Variants in RSL24D1 observed in about 807,000 individuals in gnomAD.
RSL24D1 encodes the protein ribosomal L24 domain containing 1, also known as probable ribosome biogenesis protein RLP24.
A neutral mutation model predicts 26.2 loss-of-function variants in RSL24D1; 6 were observed. The ratio of observed to expected loss-of-function variants is 0.23; its 90% confidence interval spans 0.13 to 0.45. The LOEUF is 0.45. Among genes scored for constraint, RSL24D1 ranks in the 20% least tolerant of loss-of-function variants. RSL24D1 has a pLI of 0.99. For synonymous variants in RSL24D1, 61 were observed against 59.1 expected (o/e 1.03, Z -0.15); for missense variants, 176 against 202.6 (o/e 0.87, Z 0.80).
In RSL24D1 at chr15:55,196,562, C is replaced by G. The variant is rs1311434425; in HGVS notation, c.81+248G>C. 1.0e-5 allele frequency: 6 copies of G among 588,336 alleles called. No individual in the cohort carries two copies. In the Admixed American group the frequency reaches 1.8e-4, roughly 17 times the overall value. 36.4% of individuals were successfully genotyped at this position (588,336 alleles called of 1,614,324 possible). A position where few individuals can be genotyped will look rare whatever the true frequency, so the allele number is the denominator to read the frequency against. ...CTGGTAGGCGCTAGCTGGGATCGCT[C>G]CTGAAGTTCCTCGCTGCCAACGCCA... On this transcript the variant is annotated intron_variant, in intron 1 of 5. Coordinates refer to ENST00000260443, the MANE Select transcript of RSL24D1 (RefSeq NM_016304.3).
chr15:55,190,223 G>A (rs969591323), intron 3 of RSL24D1, among the ~76,000 whole-genome samples: 3 of 146,794 alleles, frequency 2.0e-5, no homozygotes, highest in Non-Finnish European at 4.5e-5. Context: ...ACTCCAGCCG[G>A]TGGGACAGAG....
intron 3 of RSL24D1, among the ~76,000 whole-genome samples, chr15:55,190,032 G>A (rs1894275500): frequency 6.6e-6 from 1 of 152,188 alleles, no homozygotes; most frequent in African/African-American, 2.4e-5. Flanking sequence ...AGGATCACTT[G>A]AGGTCAGGAG....
intron 3 of RSL24D1, among the ~76,000 whole-genome samples, chr15:55,186,667 T>C (rs748566632): frequency 2.6e-5 from 4 of 152,174 alleles, no homozygotes; most frequent in Non-Finnish European, 4.4e-5. Flanking sequence ...AGACATGACA[T>C]GTACTATTCT....
At chr15:55,194,354 A>C (rs968674685) in intron 1 of RSL24D1, 2 of 152,250 alleles carry the variant, frequency 1.3e-5, no homozygotes, top group African/African-American at 2.4e-5. Context: ...AAAGATCAAG[A>C]TCTGACTAGG....
chr15:55,182,206 T>A lies in RSL24D1; in HGVS notation c.438A>T (p.Glu146Asp), dbSNP rs200847511. The change falls in exon 6 of 6, where the codon GAA becomes GAT. Residue 146 changes from glutamate (E) to aspartate (D), a missense_variant. Around this residue, in one of 3 missense-constraint regions of RSL24D1, gnomAD observed 43 missense variants for 38.7 expected, o/e 1.11. Coordinates refer to ENST00000260443, the MANE Select transcript of RSL24D1 (RefSeq NM_016304.3). ...APLAGKGKQL[E>D]EKMVQQLQED... ...CTTGTAACTGCTGTACCATTTTCTCTTCCAACTGTTTCCCTTTGCCTTTAA... is the reference window on the plus strand; with the variant it reads ...CTTGTAACTGCTGTACCATTTTCTCATCCAACTGTTTCCCTTTGCCTTTAA... 458 of 1,604,684 alleles carry A rather than the reference T, an allele frequency of 2.9e-4. No homozygotes were observed. Among genetic ancestry groups the A allele is most frequent in the Non-Finnish European group, 3.8e-4 (442 of 1,172,038 alleles).
rs940176773 is a variant in RSL24D1 at position 55,181,634 on chromosome 15, CATA to C, written c.*515_*517del. The C allele has an allele frequency of 4.5e-5, 7 of 154,028 alleles. No homozygotes were observed. The highest frequency in any genetic ancestry group is 1.7e-4 in the African/African-American group (7 of 41,432). The allele number at this position is 154,028 out of a possible 1,614,324, so 9.5% of individuals were successfully genotyped here. Reference sequence around the variant, plus strand: ...GTTAAACCAGGTCAAAACAGTCCAGCATAATTAGGCTTCATCAAACAATGTCAT... The same window carrying C: ...GTTAAACCAGGTCAAAACAGTCCAGCATTAGGCTTCATCAAACAATGTCAT... On this transcript the variant is annotated 3_prime_UTR_variant, in exon 6 of 6. Transcript: ENST00000260443.
At chr15:55,190,249 CAAAAAA>C (rs57254193) in intron 3 of RSL24D1, among the ~76,000 whole-genome samples, 1 of 34,494 alleles carries the variant, frequency 2.9e-5, no homozygotes, top group East Asian at 8.8e-4. Flanking sequence ...CTTTCCAACT[CAAAAAA>C]AAAAAAAAAA....
chr15:55,188,069 C>A (rs1252166531), intron 3 of RSL24D1, among the ~76,000 whole-genome samples: 2 of 152,134 alleles, frequency 1.3e-5, no homozygotes, highest in Admixed American at 1.3e-4. Context: ...ACATCAGTAC[C>A]TTAACAAAGG....
intron 3 of RSL24D1, among the ~76,000 whole-genome samples, chr15:55,189,118 G>A (rs143096002): frequency 0.039 from 5,849 of 150,740 alleles, 125 homozygotes; most frequent in Non-Finnish European, 0.052. Context: ...GCTTGAACCC[G>A]GGAGGCGGAG....
At position 55,189,985 on chromosome 15, in the gene RSL24D1, C is replaced by T. The variant is rs541874085; in HGVS notation, c.268+990G>A. On this transcript the variant is annotated intron_variant, in intron 3 of 5. Transcript: ENST00000260443. ...GGCCGGTGCCAGGCATGGTGGCTCA[C>T]GCCTGTAATCCCAGCACTTTGGGAG... 2.5e-4 allele frequency among the ~76,000 whole-genome samples: 38 copies of T among 152,306 alleles called. No individual in the cohort carries two copies. The South Asian group carries it at 5.8e-3, about 23-fold the overall frequency.
rs111337876 is a variant in RSL24D1 at position 55,185,172 on chromosome 15, T to C, written c.332+190A>G. Among the ~76,000 whole-genome samples the C allele has an allele frequency of 4.0e-4, 61 of 152,338 alleles. 1 individual carries two copies. Among genetic ancestry groups the C allele is most frequent in the African/African-American group, 1.4e-3 (59 of 41,584 alleles). ...GAAGGAAAAAGCATTATGTCTTCAA[T>C]ACATTGAGACAAGGATAAAGTAAAT... On this transcript the variant is annotated intron_variant, in intron 4 of 5. Coordinates refer to ENST00000260443, the MANE Select transcript of RSL24D1 (RefSeq NM_016304.3).
chr15:55,194,327 C>T (rs1894331176), intron 1 of RSL24D1: 3 of 152,190 alleles, frequency 2.0e-5, no homozygotes, highest in Non-Finnish European at 2.9e-5. Flanking sequence ...ATGTGATAAT[C>T]TCACTTTGCA....
intron 2 of RSL24D1, among the ~76,000 whole-genome samples, chr15:55,191,832 C>T (rs184378905): frequency 9.8e-5 from 15 of 152,306 alleles, no homozygotes; most frequent in African/African-American, 3.4e-4. Flanking sequence ...ACCTCAGCCA[C>T]GAGGTAAATG....
chr15:55,191,107 T>C, intron 2 of RSL24D1, 60 bp from the exon 3 acceptor site: 1 of 1,183,766 alleles, frequency 8.4e-7, no homozygotes. Context: ...AAGGAAACAT[T>C]TCTTAAAACG....
intron 4 of RSL24D1, among the ~76,000 whole-genome samples, chr15:55,183,961 C>A (rs1894197452): frequency 6.6e-6 from 1 of 152,156 alleles, no homozygotes; most frequent in Non-Finnish European, 1.5e-5. Flanking sequence ...GTGCCTAGAT[C>A]TTTTCTCCTC....
intron 2 of RSL24D1, among the ~76,000 whole-genome samples, chr15:55,191,963 G>C (rs1427209305): frequency 6.6e-6 from 1 of 152,122 alleles, no homozygotes; most frequent in Non-Finnish European, 1.5e-5. Context: ...TTATGATTTG[G>C]CCTTGCATCT....
chr15:55,192,784 C>T lies in RSL24D1; in HGVS notation c.131G>A (p.Arg44His), dbSNP rs572620938. The change falls in exon 2 of 6, where the codon CGC (arginine) becomes CAC (histidine). Residue 44 changes from arginine to histidine, a missense_variant. Around this residue, in one of 3 missense-constraint regions of RSL24D1, gnomAD observed 89 missense variants for 135.1 expected, o/e 0.66. Coordinates refer to ENST00000260443, the MANE Select transcript of RSL24D1 (RefSeq NM_016304.3). ...SKCHKNFKKK[R>H]NPRKVRWTKA... ...GGTCCACCTAACTTTGCGAGGATTGCGCTTCTTTTTAAAGTTTTTATGACA... is the reference window on the plus strand; with the variant it reads ...GGTCCACCTAACTTTGCGAGGATTGTGCTTCTTTTTAAAGTTTTTATGACA... 9.3e-6 allele frequency: 15 copies of T among 1,613,832 alleles called. No homozygotes were observed. Among genetic ancestry groups the T allele is most frequent in the East Asian group, 4.5e-5 (2 of 44,848 alleles).
At chr15:55,188,735 A>G (rs8034402) in intron 3 of RSL24D1, among the ~76,000 whole-genome samples, 25,687 of 152,272 alleles carry the variant, frequency 0.17, 2,426 homozygotes, top group African/African-American at 0.26. Context: ...GATTATTCAC[A>G]TATCGCTAAA....
chr15:55,182,587 T>C (rs555914549), intron 5 of RSL24D1, among the ~76,000 whole-genome samples: 1 of 152,286 alleles, frequency 6.6e-6, no homozygotes, highest in African/African-American at 2.4e-5. Flanking sequence ...CACTGTTCTA[T>C]CTACCTCAAA....
Sources: gnomAD v4.1 joint callset for allele counts (sites outside exome capture counted in the v4.1 genomes callset) on GRCh38, gnomAD v4.1.1 for gene constraint, gnomAD v4.1.1 regional missense constraint, MANE v1.5 for transcripts, NCBI Gene and HGNC (gene_info 2026-07-23, HGNC 2026-07-21) for gene names.